RARB: variants seen among roughly 807,000 people sequenced by gnomAD.
RARB encodes the protein HBV-activated protein.
In RARB, 17 loss-of-function variants were observed where a neutral mutation model predicts 51.9. The observed-to-expected ratio is 0.33, with a 90% confidence interval of 0.22 to 0.49. RARB has a LOEUF of 0.49. Ranked by LOEUF, RARB falls within the 20% of genes least tolerant of loss-of-function variation. The pLI is 0.99. For synonymous variants in RARB, 215 were observed against 195.4 expected, an observed-to-expected ratio of 1.10 and a Z score of -0.84; for missense variants, 369 against 550.8, an observed-to-expected ratio of 0.67 and a Z score of 3.30.
intron 2 of RARB, among the ~76,000 whole-genome samples, chr3:24,892,431 G>A (rs1703403667): frequency 6.6e-6 from 1 of 152,104 alleles, no homozygotes. Context: ...CAAGCAGATA[G>A]AACTTATGAA....
intron 2 of RARB, among the ~76,000 whole-genome samples, chr3:24,915,889 G>T (rs951983640): frequency 6.6e-6 from 1 of 152,120 alleles, no homozygotes; most frequent in African/African-American, 2.4e-5. Flanking sequence ...AAGAAACAAA[G>T]CTGGAAGGGG....
At chr3:24,964,452 T>G (rs1233770491) in intron 2 of RARB, among the ~76,000 whole-genome samples, 3 of 152,314 alleles carry the variant, frequency 2.0e-5, no homozygotes, top group Non-Finnish European at 2.9e-5. Flanking sequence ...CAAGACCTGG[T>G]TGCCTAAGAG....
At chr3:25,336,343 A>G (rs1166989094) in intron 5 of RARB, among the ~76,000 whole-genome samples, 2 of 152,234 alleles carry the variant, frequency 1.3e-5, no homozygotes, top group African/African-American at 4.8e-5. Flanking sequence ...AAATAACACA[A>G]TTAAATTCCA....
chr3:25,209,138 A>G (rs933489530), intron 5 of RARB, among the ~76,000 whole-genome samples: 10 of 152,316 alleles, frequency 6.6e-5, no homozygotes, highest in Admixed American at 2.6e-4. Flanking sequence ...AGTTTAGTCA[A>G]AACTTGGCTT....
At chr3:24,889,675 A>AGTAAGTGTGTGT (rs1553611135) in intron 2 of RARB, among the ~76,000 whole-genome samples, 1 of 142,868 alleles carries the variant, frequency 7.0e-6, no homozygotes, top group Non-Finnish European at 1.5e-5. Context: ...CACCTCTTAA[A>AGTAAGTGTGTGT]GTGTGTGTGT....
At chr3:25,550,057 GA>G (rs1699784900) in intron 3 of RARB, among the ~76,000 whole-genome samples, 2 of 152,198 alleles carry the variant, frequency 1.3e-5, no homozygotes, top group South Asian at 4.2e-4. Context: ...CTGATACTTG[GA>G]AACATTCCAA....
intron 5 of RARB, among the ~76,000 whole-genome samples, chr3:25,244,787 T>C (rs961801815): frequency 2.6e-5 from 4 of 152,218 alleles, no homozygotes; most frequent in African/African-American, 9.6e-5. Flanking sequence ...ATGTATATTG[T>C]GTTGATTTGG....
intron 1 of RARB, among the ~76,000 whole-genome samples, chr3:24,850,069 C>T (rs1476089457): frequency 6.6e-6 from 1 of 152,134 alleles, no homozygotes; most frequent in Admixed American, 6.5e-5. Flanking sequence ...TATTTGTGTC[C>T]TTACCTGGAA....
At chr3:25,371,253 A>G (rs1299289529) in intron 5 of RARB, among the ~76,000 whole-genome samples, 2 of 152,314 alleles carry the variant, frequency 1.3e-5, no homozygotes, top group East Asian at 3.9e-4. Context: ...GAATAATAAT[A>G]CCATTATTTA....
At chr3:25,163,226 T>C (rs577001199) in intron 4 of RARB, among the ~76,000 whole-genome samples, 2 of 152,146 alleles carry the variant, frequency 1.3e-5, no homozygotes, top group South Asian at 4.2e-4. Context: ...TAATTATTTG[T>C]GGTGTGGTGG....
intron 5 of RARB, among the ~76,000 whole-genome samples, chr3:25,251,615 T>C (rs548802211): frequency 4.6e-5 from 7 of 152,210 alleles, no homozygotes; most frequent in Non-Finnish European, 8.8e-5. Flanking sequence ...TGACTAATGA[T>C]GTTGGACAGG....
chr3:25,219,488 A>T (rs1205058876), intron 5 of RARB, among the ~76,000 whole-genome samples: 3 of 152,176 alleles, frequency 2.0e-5, no homozygotes, highest in Admixed American at 1.3e-4. Flanking sequence ...AAAATCAACA[A>T]TTTGCTTTAT....
At chr3:25,396,147 C>G (rs779852821) in intron 5 of RARB, among the ~76,000 whole-genome samples, 19 of 152,150 alleles carry the variant, frequency 1.2e-4, no homozygotes, top group Non-Finnish European at 2.5e-4. Context: ...TCTAGCCACC[C>G]AGCAGAGCTA....
intron 5 of RARB, among the ~76,000 whole-genome samples, chr3:25,351,576 A>T (rs527859161): frequency 1.3e-5 from 2 of 152,278 alleles, no homozygotes; most frequent in Non-Finnish European, 1.5e-5. Flanking sequence ...GCTCTGTGCA[A>T]AGTGGTCCTC....
At chr3:24,944,124 A>G (rs760295430) in intron 2 of RARB, among the ~76,000 whole-genome samples, 1 of 152,202 alleles carries the variant, frequency 6.6e-6, no homozygotes, top group Non-Finnish European at 1.5e-5. Flanking sequence ...TTTACTGGAT[A>G]TTATGAAGCC....
At chr3:25,447,237 C>T (rs1263185522) in intron 1 of RARB, among the ~76,000 whole-genome samples, 1 of 151,432 alleles carries the variant, frequency 6.6e-6, no homozygotes, top group Admixed American at 6.6e-5. Context: ...TTTTTTTTAA[C>T]CAACACTGAT....
At chr3:24,960,766 T>G (rs1237651732) in intron 2 of RARB, among the ~76,000 whole-genome samples, 1 of 152,206 alleles carries the variant, frequency 6.6e-6, no homozygotes, top group East Asian at 1.9e-4. Context: ...TTGGATTTTT[T>G]TTTTTTTTAA....
chr3:25,231,281 T>C (rs750685849), intron 5 of RARB, among the ~76,000 whole-genome samples: 10 of 152,200 alleles, frequency 6.6e-5, no homozygotes, highest in Non-Finnish European at 1.2e-4. Context: ...CTTGCTTTTC[T>C]CAGGAAATAG....
intron 5 of RARB, among the ~76,000 whole-genome samples, chr3:25,403,940 T>C (rs997076168): frequency 3.3e-5 from 5 of 150,628 alleles, no homozygotes; most frequent in East Asian, 2.0e-4. Flanking sequence ...AGCTTATAGT[T>C]ATAGGCCAAA....
Sources: allele counts gnomAD v4.1 joint callset (sites outside exome capture counted in the v4.1 genomes callset), GRCh38; gene constraint gnomAD v4.1.1; transcripts MANE v1.5; gene names NCBI Gene and HGNC (gene_info 2026-07-23, HGNC 2026-07-21).